SEC22A: variants seen among roughly 807,000 people sequenced by gnomAD.
SEC22A encodes SEC22 homolog A, vesicle trafficking protein.
SEC22A carries 22 observed loss-of-function variants against 35.3 expected under a neutral mutation model. The ratio of observed to expected loss-of-function variants is 0.62; its 90% CI spans 0.45 to 0.89. The LOEUF (loss-of-function observed/expected upper bound fraction) is 0.89, where lower values mean the gene tolerates loss of function less well. SEC22A is among the 40% of genes least tolerant of loss of function. The pLI is 0.00. For synonymous variants in SEC22A, 119 were observed against 129.5 expected (o/e 0.92, Z 0.55); for missense variants, 354 against 362.5 (o/e 0.98, Z 0.19).
intron 2 of SEC22A, among the ~76,000 whole-genome samples, chr3:123,217,716 C>G (rs1308493390): frequency 6.6e-6 from 1 of 152,130 alleles, no homozygotes; most frequent in Non-Finnish European, 1.5e-5. Flanking sequence ...GTTCATAAAT[C>G]AGTTTGTAAT....
At chr3:123,206,849 A>G (rs548101039) in intron 1 of SEC22A, among the ~76,000 whole-genome samples, 1 of 152,306 alleles carries the variant, frequency 6.6e-6, no homozygotes, top group South Asian at 2.1e-4. Flanking sequence ...GTACTTTGGG[A>G]GGCTGAGGTG....
At chr3:123,203,067 T>C (rs1936782143) in intron 1 of SEC22A, among the ~76,000 whole-genome samples, 1 of 124,000 alleles carries the variant, frequency 8.1e-6, no homozygotes, top group African/African-American at 3.0e-5. Context: ...TTTTTTTTTT[T>C]TTTTTTTTTT....
chr3:123,212,721 GAAA>G (rs1005821059), intron 2 of SEC22A, among the ~76,000 whole-genome samples: 1 of 149,246 alleles, frequency 6.7e-6, no homozygotes. Context: ...GGCAATTTAG[GAAA>G]AAAAAAATTC....
intron 4 of SEC22A, among the ~76,000 whole-genome samples, chr3:123,242,003 T>C (rs1020403612): frequency 1.3e-5 from 2 of 152,126 alleles, no homozygotes; most frequent in African/African-American, 4.8e-5. Context: ...TCAATAAGTC[T>C]AATACTTTTT....
chr3:123,212,931 A>T (rs990248675), intron 2 of SEC22A, among the ~76,000 whole-genome samples: 2 of 152,200 alleles, frequency 1.3e-5, no homozygotes, highest in African/African-American at 4.8e-5. Context: ...TTGGATAAAA[A>T]CATTGTTTTT....
In SEC22A at chr3:123,206,238, C is replaced by T. The variant is rs149028594; in HGVS notation, c.-19-2961C>T. ...GCCTCCCCAAAGCAAGTACTATAGGCGTGTGCCACCATGCCCAGCTGATTT... is the reference window on the plus strand; with the variant it reads ...GCCTCCCCAAAGCAAGTACTATAGGTGTGTGCCACCATGCCCAGCTGATTT... On this transcript the variant is annotated intron_variant, in intron 1 of 6. Coordinates refer to ENST00000492595, the MANE Select transcript of SEC22A (RefSeq NM_012430.5). 2.8e-3 allele frequency among the ~76,000 whole-genome samples: 431 copies of T among 152,214 alleles called. 5 individuals carry two copies. Among genetic ancestry groups the T allele is most frequent in the Non-Finnish European group, 4.7e-3 (319 of 68,016 alleles).
intron 6 of SEC22A, 90 bp downstream of exon 6, chr3:123,259,679 T>G: frequency 1.1e-6 from 1 of 897,742 alleles, no homozygotes; most frequent in Non-Finnish European, 1.7e-6. Context: ...AATAAATTAT[T>G]AAAACTCTGA....
chr3:123,222,268 G>A (rs112161523), intron 2 of SEC22A, among the ~76,000 whole-genome samples: 3,111 of 151,756 alleles, frequency 0.021, 54 homozygotes, highest in Non-Finnish European at 0.025. Flanking sequence ...GCGCAATCTC[G>A]GCTCTTTGCA....
chr3:123,258,034 AG>A (rs1457572441), intron 5 of SEC22A, among the ~76,000 whole-genome samples: 1 of 151,216 alleles, frequency 6.6e-6, no homozygotes, highest in Non-Finnish European at 1.5e-5. Flanking sequence ...AGAGAAAAGA[AG>A]GAGTGATTAA....
intron 2 of SEC22A, among the ~76,000 whole-genome samples, chr3:123,217,003 A>G (rs1181227849): frequency 6.7e-6 from 1 of 149,968 alleles, no homozygotes; most frequent in African/African-American, 2.5e-5. Context: ...ATTTAAAACA[A>G]TTTTTTGTAG....
intron 4 of SEC22A, among the ~76,000 whole-genome samples, chr3:123,235,796 A>G (rs1239747575): frequency 6.6e-6 from 1 of 152,204 alleles, no homozygotes; most frequent in Non-Finnish European, 1.5e-5. Flanking sequence ...TAGACACCCA[A>G]CTGTCCATCA....
At chr3:123,206,241 G>A (rs1476009044) in intron 1 of SEC22A, among the ~76,000 whole-genome samples, 1 of 152,130 alleles carries the variant, frequency 6.6e-6, no homozygotes, top group Admixed American at 6.6e-5. Context: ...CTATAGGCGT[G>A]TGCCACCATG....
intron 4 of SEC22A, among the ~76,000 whole-genome samples, chr3:123,241,095 T>C (rs182502558): frequency 5.9e-5 from 9 of 151,972 alleles, no homozygotes; most frequent in Admixed American, 3.3e-4. Flanking sequence ...TAAAGTATTA[T>C]GCTAAATTTT....
At chr3:123,238,943 A>T (rs992438974) in intron 4 of SEC22A, among the ~76,000 whole-genome samples, 1 of 152,218 alleles carries the variant, frequency 6.6e-6, no homozygotes, top group Admixed American at 6.5e-5. Context: ...TGGTATAATT[A>T]ACTCTCATGT....
In SEC22A at chr3:123,225,295, C is replaced by T. The variant is rs775315946; in HGVS notation, c.539C>T (p.Ser180Phe). 27 of 1,583,474 alleles carry T rather than the reference C, an allele frequency of 1.7e-5. No homozygotes were observed. The African/African-American group carries it at 3.5e-4, about 21-fold the overall frequency. The change falls in exon 4 of 7, where the codon TCT becomes TTT. Residue 180 changes from serine (S) to phenylalanine (F), a missense_variant and splice_region_variant. Coordinates refer to ENST00000492595, the MANE Select transcript of SEC22A (RefSeq NM_012430.5). The part of the protein sequence containing the change: ...VDCKGAGKIS[S>F]AHQRLEPATL... ...TGTAAAGGTGCTGGTAAGATTTCTT[C>T]TGGTGAGTTCTGGATCTCAGTTATT...
chr3:123,220,437 A>G (rs2108042361), intron 2 of SEC22A, among the ~76,000 whole-genome samples: 1 of 152,304 alleles, frequency 6.6e-6, no homozygotes, highest in Admixed American at 6.5e-5. Context: ...CATTTGACAA[A>G]GCATATTTTG....
chr3:123,208,934 A>G (rs1936893725), intron 1 of SEC22A: 1 of 333,330 alleles, frequency 3.0e-6, no homozygotes, highest in African/African-American at 2.2e-5. Context: ...AGCTGGGATT[A>G]CAGGTGTGCA....
intron 2 of SEC22A, among the ~76,000 whole-genome samples, chr3:123,212,579 T>C (rs1936955139): frequency 6.6e-6 from 1 of 152,196 alleles, no homozygotes; most frequent in African/African-American, 2.4e-5. Context: ...AAATTTATTT[T>C]GACTTTTCTT....
At chr3:123,241,302 T>C (rs1345836536) in intron 4 of SEC22A, among the ~76,000 whole-genome samples, 1 of 152,192 alleles carries the variant, frequency 6.6e-6, no homozygotes, top group Non-Finnish European at 1.5e-5. Flanking sequence ...AGGGCCTCAC[T>C]GATGAAAAGA....
Sources: allele counts gnomAD v4.1 joint callset (sites outside exome capture counted in the v4.1 genomes callset), GRCh38; gene constraint gnomAD v4.1.1; transcripts MANE v1.5; gene names NCBI Gene and HGNC (gene_info 2026-07-23, HGNC 2026-07-21).